The following DNAH9 variants were observed in gnomAD, a reference collection of about 807,000 sequenced individuals.
The protein encoded by DNAH9 is DNAH9 variant protein.
A neutral mutation model predicts 471.6 loss-of-function variants in DNAH9; 345 were observed. That is an observed-to-expected ratio of 0.73 (90% confidence interval 0.67 to 0.80). The LOEUF (loss-of-function observed/expected upper bound fraction) is 0.80. Ranked by LOEUF, DNAH9 falls within the 30% of genes least tolerant of loss-of-function variation. The pLI is 0.00. For synonymous variants in DNAH9, 2,093 were observed against 2,123.6 expected, an observed-to-expected ratio of 0.99 and a Z score of 0.40; for missense variants, 5,407 against 5,609.2, an observed-to-expected ratio of 0.96 and a Z score of 1.15.
intron 41 of DNAH9, among the ~76,000 whole-genome samples, chr17:11,793,284 C>T (rs1484625400): frequency 6.6e-6 from 1 of 152,162 alleles, no homozygotes; most frequent in Non-Finnish European, 1.5e-5. Flanking sequence ...AGTGGTTGTG[C>T]AAGTATTTGA....
chr17:11,865,984 A>C (rs933749385), intron 50 of DNAH9, among the ~76,000 whole-genome samples: 1 of 152,160 alleles, frequency 6.6e-6, no homozygotes, highest in Non-Finnish European at 1.5e-5. Flanking sequence ...TGTAGCTCGT[A>C]GTTTGATCGT....
intron 43 of DNAH9, among the ~76,000 whole-genome samples, chr17:11,805,611 G>C (rs566408308): frequency 8.0e-6 from 1 of 124,270 alleles, no homozygotes; most frequent in Non-Finnish European, 1.6e-5. Context: ...GCAGTGGAGC[G>C]ATCTTGGCTC....
chr17:11,946,027 C>A (rs1481683208), intron 67 of DNAH9, among the ~76,000 whole-genome samples: 1 of 151,480 alleles, frequency 6.6e-6, no homozygotes, highest in East Asian at 2.0e-4. Context: ...GGTGAAACCT[C>A]ATCTCTACTA....
At chr17:11,838,576 G>T (rs1293328425) in intron 49 of DNAH9, among the ~76,000 whole-genome samples, 1 of 152,166 alleles carries the variant, frequency 6.6e-6, no homozygotes, top group Non-Finnish European at 1.5e-5. Flanking sequence ...TGAAGACCCA[G>T]ATGAATGAAG....
intron 49 of DNAH9, among the ~76,000 whole-genome samples, chr17:11,835,557 T>C (rs1230735588): frequency 6.6e-6 from 1 of 152,254 alleles, no homozygotes; most frequent in East Asian, 1.9e-4. Context: ...TAACTTTTTT[T>C]CCCACTTGGA....
intron 43 of DNAH9, among the ~76,000 whole-genome samples, chr17:11,805,324 C>A (rs957582712): frequency 5.3e-5 from 8 of 152,022 alleles, no homozygotes; most frequent in African/African-American, 1.9e-4. Flanking sequence ...ATGCGTTGAA[C>A]CCCACCCACC....
intron 53 of DNAH9, among the ~76,000 whole-genome samples, chr17:11,878,319 A>C (rs1972587380): frequency 6.6e-6 from 1 of 152,204 alleles, no homozygotes; most frequent in Non-Finnish European, 1.5e-5. Context: ...CAAATGTTGC[A>C]TTATATGTAA....
At chr17:11,697,821 A>G (rs1411047353) in intron 22 of DNAH9, among the ~76,000 whole-genome samples, 4 of 151,884 alleles carry the variant, frequency 2.6e-5, no homozygotes, top group Non-Finnish European at 5.9e-5. Context: ...TGTTGCTAAT[A>G]CTGCTATAAA....
chr17:11,629,734 G>T, intron 7 of DNAH9, 150 bp downstream of exon 7: 1 of 643,622 alleles, frequency 1.6e-6, no homozygotes, highest in East Asian at 2.7e-5. Context: ...TGTGTTAGGA[G>T]AAATTATTAT....
intron 15 of DNAH9, 140 bp downstream of exon 15, chr17:11,665,108 A>G (rs1033859662): frequency 1.5e-5 from 11 of 727,622 alleles, no homozygotes; most frequent in Admixed American, 2.6e-5. Flanking sequence ...TGCACAGGAA[A>G]ACAGAAAAGG....
chr17:11,628,612 C>A (rs138916679), intron 6 of DNAH9, among the ~76,000 whole-genome samples: 1 of 152,192 alleles, frequency 6.6e-6, no homozygotes, highest in African/African-American at 2.4e-5. Flanking sequence ...GCTTGGCAGA[C>A]AAGTTGCAAA....
At chr17:11,919,592 GA>G (rs1177385869) in intron 61 of DNAH9, among the ~76,000 whole-genome samples, 2 of 151,164 alleles carry the variant, frequency 1.3e-5, no homozygotes, top group Non-Finnish European at 2.9e-5. Flanking sequence ...CACATTGAAA[GA>G]GTACCAAAGC....
chr17:11,768,364 C>CCCTGA, intron 36 of DNAH9, 89 bp from the exon 37 acceptor site: 1 of 1,359,712 alleles, frequency 7.4e-7, no homozygotes, highest in African/African-American at 1.4e-5. Flanking sequence ...CGTTGTCCTG[C>CCCTGA]CCTGACCTTC....
chr17:11,888,582 G>A lies in DNAH9; in HGVS notation c.11112+1617G>A, dbSNP rs575482841. On this transcript the variant is annotated intron_variant, in intron 57 of 68. Coordinates refer to ENST00000262442, the MANE Select transcript of DNAH9 (RefSeq NM_001372.4). ...GTGTCCTGATATAGGAGGTTCTGAA[G>A]CTCCATTTTTAAAGTAGGGGAGATG... Among the ~76,000 whole-genome samples the A allele has an allele frequency of 2.0e-5, 3 of 152,266 alleles. No homozygotes were observed. The South Asian group carries it at 6.2e-4, about 32-fold the overall frequency.
intron 52 of DNAH9, 92 bp downstream of exon 52, chr17:11,871,878 C>G: frequency 3.0e-6 from 4 of 1,336,010 alleles, no homozygotes; most frequent in Non-Finnish European, 4.2e-6. Flanking sequence ...CTGGTGTCCT[C>G]CTGCACACTC....
chr17:11,823,363 T>A (rs1309998963), intron 48 of DNAH9, among the ~76,000 whole-genome samples: 1 of 152,132 alleles, frequency 6.6e-6, no homozygotes, highest in Non-Finnish European at 1.5e-5. Context: ...CTCTCATTGA[T>A]GCTGGAATCC....
intron 36 of DNAH9, among the ~76,000 whole-genome samples, chr17:11,764,709 T>TA (rs113033959): frequency 0.092 from 13,755 of 148,744 alleles, 732 homozygotes; most frequent in Middle Eastern, 0.13. Flanking sequence ...TCCTTTTTCT[T>TA]AAAAAAAAAA....
intron 34 of DNAH9, 77 bp downstream of exon 34, chr17:11,756,753 G>C (rs1967410661): frequency 2.2e-6 from 2 of 897,736 alleles, no homozygotes; most frequent in Non-Finnish European, 3.7e-6. Flanking sequence ...TAGTTTTGCT[G>C]GCTCAGAAGG....
Position 11,719,487 on chromosome 17 carries a change from C to G in DNAH9, c.5706C>G (p.Tyr1902Ter), listed in dbSNP as rs1460199079. The G allele has an allele frequency of 1.2e-6, 2 of 1,611,642 alleles. No homozygotes were observed. The highest frequency in any genetic ancestry group is 1.7e-6 in the Non-Finnish European group (2 of 1,178,906). ...YVFNCSEQMDYKSCGNIYKGL... is the reference protein window; with the variant it reads ...YVFNCSEQMD ...TCAACTGCTCGGAGCAGATGGATTA[C>G]AAGGTACAGTTCCACCCGGCTTCCT... Residue 1902 changes from tyrosine to a stop codon, truncating the protein, a stop_gained, in exon 27 of 69, where the codon TAC (tyrosine) becomes TAG (stop). Transcript: ENST00000262442. LOFTEE classifies it high-confidence loss of function.
Sources: allele counts gnomAD v4.1 joint callset (sites outside exome capture counted in the v4.1 genomes callset), GRCh38; gene constraint gnomAD v4.1.1; transcripts MANE v1.5; gene names NCBI Gene and HGNC (gene_info 2026-07-23, HGNC 2026-07-21).